The following NUDT3 variants were observed in gnomAD, a reference collection of about 807,000 sequenced individuals.
NUDT3 encodes the protein diphosphoinositol polyphosphate phosphohydrolase 1.
Under a neutral mutation model 23.6 loss-of-function variants are expected in NUDT3, and 9 were observed. That is an observed-to-expected ratio of 0.38 (90% CI 0.23 to 0.66). NUDT3 has a LOEUF of 0.66. Ranked by LOEUF, NUDT3 falls within the 30% of genes least tolerant of loss-of-function variation. NUDT3 has a pLI of 0.52. For synonymous variants in NUDT3, 86 were observed against 82.6 expected (o/e 1.04, Z -0.22); for missense variants, 172 against 218.5 (o/e 0.79, Z 1.34).
intron 1 of NUDT3, among the ~76,000 whole-genome samples, chr6:34,361,076 T>A (rs1764643921): frequency 6.6e-6 from 1 of 151,934 alleles, no homozygotes; most frequent in South Asian, 2.1e-4. Context: ...TTTTAAAAAT[T>A]AGCCAGCATG....
chr6:34,329,500 C>T (rs534002150), intron 2 of NUDT3, among the ~76,000 whole-genome samples: 1 of 152,096 alleles, frequency 6.6e-6, no homozygotes, highest in South Asian at 2.1e-4. Flanking sequence ...AGGCTGGTCA[C>T]GAACTCCTGA....
In NUDT3 at chr6:34,287,050, A is replaced by C. The variant is rs939762204; in HGVS notation, c.*1703T>G. 2 of 152,182 alleles carry C rather than the reference A, an allele frequency of 1.3e-5. No homozygotes were observed. Among genetic ancestry groups the C allele is most frequent in the Non-Finnish European group, 2.9e-5 (2 of 68,064 alleles). 9.4% of individuals were successfully genotyped at this position (152,182 alleles called of 1,614,324 possible). ...TGCCTCAGCCTCCCAAAGTGCTGGG[A>C]TTACAGGTGTGAGCCACCGTGCCCA... On this transcript the variant is annotated 3_prime_UTR_variant, in exon 5 of 5. Transcript: ENST00000607016.
chr6:34,303,538 G>A (rs774714557), intron 2 of NUDT3, among the ~76,000 whole-genome samples: 3 of 151,956 alleles, frequency 2.0e-5, no homozygotes, highest in Non-Finnish European at 4.4e-5. Flanking sequence ...ATTCTTATCT[G>A]TCATGGGAAT....
chr6:34,363,660 A>C (rs899743999), intron 1 of NUDT3, among the ~76,000 whole-genome samples: 2 of 152,246 alleles, frequency 1.3e-5, no homozygotes, highest in Admixed American at 1.3e-4. Context: ...TCCCATGTCC[A>C]GTTCAACATT....
intron 1 of NUDT3, among the ~76,000 whole-genome samples, chr6:34,352,987 A>G (rs982789828): frequency 2.6e-5 from 4 of 152,164 alleles, no homozygotes; most frequent in African/African-American, 9.7e-5. Flanking sequence ...ACTCTTTTCA[A>G]ACATCTATTT....
chr6:34,309,179 G>A lies in NUDT3; in HGVS notation c.211-13494C>T, dbSNP rs746622185. ...GAGGATCACTTGAGCTCAGGAGTTC[G>A]GGACCAGCCTGGGCAGCATAATGAA... On this transcript the variant is annotated intron_variant, in intron 2 of 4. Coordinates refer to ENST00000607016, the MANE Select transcript of NUDT3 (RefSeq NM_006703.4). Among the ~76,000 whole-genome samples, 61 of 151,984 alleles carry A rather than the reference G, an allele frequency of 4.0e-4. 1 individual carries two copies. Among genetic ancestry groups the A allele is most frequent in the Middle Eastern group, 3.4e-3 (1 of 294 alleles).
At chr6:34,390,982 T>G (rs1000817025) in intron 1 of NUDT3, among the ~76,000 whole-genome samples, 2 of 152,218 alleles carry the variant, frequency 1.3e-5, no homozygotes, top group Non-Finnish European at 2.9e-5. Context: ...TTACAATATA[T>G]GGTAGGATAC....
chr6:34,324,743 C>T (rs570018093), intron 2 of NUDT3, among the ~76,000 whole-genome samples: 1 of 152,184 alleles, frequency 6.6e-6, no homozygotes, highest in Non-Finnish European at 1.5e-5. Flanking sequence ...ACCAGAATGA[C>T]AGAGCCACTA....
At chr6:34,309,197 A>G (rs1763730560) in intron 2 of NUDT3, among the ~76,000 whole-genome samples, 1 of 151,894 alleles carries the variant, frequency 6.6e-6, no homozygotes, top group African/African-American at 2.4e-5. Flanking sequence ...CCTGGGCAGC[A>G]TAATGAAACC....
At chr6:34,345,031 TCA>T (rs1301506223) in intron 1 of NUDT3, among the ~76,000 whole-genome samples, 2 of 151,588 alleles carry the variant, frequency 1.3e-5, no homozygotes, top group Admixed American at 6.6e-5. Flanking sequence ...AGTTTTGCAA[TCA>T]CAGTTTTTTG....
At chr6:34,376,926 C>A (rs1465525475) in intron 1 of NUDT3, among the ~76,000 whole-genome samples, 1 of 152,174 alleles carries the variant, frequency 6.6e-6, no homozygotes, top group Admixed American at 6.5e-5. Context: ...GACCCAGGTT[C>A]ATATGCTCAG....
At chr6:34,303,309 T>C (rs551064225) in intron 2 of NUDT3, among the ~76,000 whole-genome samples, 1 of 150,910 alleles carries the variant, frequency 6.6e-6, no homozygotes, top group South Asian at 2.1e-4. Context: ...ATCAATCTTA[T>C]CTCTTGCAGT....
At chr6:34,321,680 G>A (rs1412107777) in intron 2 of NUDT3, among the ~76,000 whole-genome samples, 2 of 151,902 alleles carry the variant, frequency 1.3e-5, no homozygotes, top group Non-Finnish European at 2.9e-5. Context: ...CCATTCCATG[G>A]GTATGCAAGT....
At chr6:34,289,515 T>C (rs540072173) in intron 4 of NUDT3, among the ~76,000 whole-genome samples, 1 of 152,292 alleles carries the variant, frequency 6.6e-6, no homozygotes, top group African/African-American at 2.4e-5. Context: ...TGCAGTGAGC[T>C]GTCATCGCGC....
Position 34,288,660 on chromosome 6 carries a change from G to T in NUDT3, c.*93C>A. On this transcript the variant is annotated 3_prime_UTR_variant, in exon 5 of 5. Transcript: ENST00000607016. ...CCACCATGCCTTATTTGAAAGAGGA[G>T]GCCTGTGAGAAGTGGAAAGAGCCAG... is the stretch of plus-strand genomic sequence containing the variant. The T allele has an allele frequency of 6.8e-7, 1 of 1,473,406 alleles. No individual in the cohort carries two copies. The allele number at this position is 1,473,406 out of a possible 1,614,324, so 91.3% of individuals were successfully genotyped here. A position where few individuals can be genotyped will look rare whatever the true frequency, so the allele number is the denominator to read the frequency against.
At chr6:34,356,422 G>C (rs1424325162) in intron 1 of NUDT3, among the ~76,000 whole-genome samples, 1 of 152,034 alleles carries the variant, frequency 6.6e-6, no homozygotes, top group African/African-American at 2.4e-5. Context: ...ATGACCAACA[G>C]GAAATATACA....
intron 1 of NUDT3, among the ~76,000 whole-genome samples, chr6:34,351,223 A>AAAAAAAAAAG (rs1764468887): frequency 7.4e-6 from 1 of 135,032 alleles, no homozygotes; most frequent in Non-Finnish European, 1.6e-5. Context: ...AAAAAAAAAA[A>AAAAAAAAAAG]AAACACTTTG....
chr6:34,317,428 C>T (rs1763879406), intron 2 of NUDT3, among the ~76,000 whole-genome samples: 1 of 151,818 alleles, frequency 6.6e-6, no homozygotes, highest in Non-Finnish European at 1.5e-5. Flanking sequence ...AAAAAAAAGA[C>T]CAAGGACTGA....
At chr6:34,374,861 T>TA (rs1265530174) in intron 1 of NUDT3, among the ~76,000 whole-genome samples, 3 of 152,166 alleles carry the variant, frequency 2.0e-5, no homozygotes, top group Non-Finnish European at 4.4e-5. Flanking sequence ...ATTTTACAAA[T>TA]AAAAAAACTG....
Sources: allele counts gnomAD v4.1 joint callset (sites outside exome capture counted in the v4.1 genomes callset), GRCh38; gene constraint gnomAD v4.1.1; transcripts MANE v1.5; gene names NCBI Gene and HGNC (gene_info 2026-07-23, HGNC 2026-07-21).